Variants in POFUT3 observed in about 807,000 individuals in gnomAD.
POFUT3 encodes protein O-fucosyltransferase 3, also known as GDP-fucose protein O-fucosyltransferase 3.
the POFUT3 span, among the ~76,000 whole-genome samples, chr8:33,417,397 T>C: frequency 0.27 from 41,336 of 152,052 alleles, 5,964 homozygotes; most frequent in South Asian, 0.45. Flanking sequence ...CGAAACCATC[T>C]TCCCCTCCCC....
the POFUT3 span, among the ~76,000 whole-genome samples, chr8:33,328,397 AAAGC>A: frequency 6.6e-6 from 1 of 152,210 alleles, no homozygotes; most frequent in Non-Finnish European, 1.5e-5. Flanking sequence ...ACAAAAAAAA[AAAGC>A]AGCTCACTTT....
At chr8:33,353,722 T>G in the POFUT3 span, among the ~76,000 whole-genome samples, 2 of 152,128 alleles carry the variant, frequency 1.3e-5, no homozygotes, top group Non-Finnish European at 2.9e-5. Context: ...AGGGAGAAAG[T>G]GTGGCTTCAC....
chr8:33,333,507 T>A, the POFUT3 span, among the ~76,000 whole-genome samples: 1 of 152,112 alleles, frequency 6.6e-6, no homozygotes, highest in African/African-American at 2.4e-5. Context: ...AATCATATAA[T>A]GAAGGGGCTT....
the POFUT3 span, among the ~76,000 whole-genome samples, chr8:33,363,435 A>T: frequency 6.6e-6 from 1 of 152,114 alleles, no homozygotes; most frequent in Non-Finnish European, 1.5e-5. Context: ...AGAACTGAAG[A>T]AGATAGAGAC....
the POFUT3 span, among the ~76,000 whole-genome samples, chr8:33,332,336 CA>C: frequency 1.3e-5 from 2 of 151,372 alleles, no homozygotes; most frequent in African/African-American, 2.4e-5. Flanking sequence ...AAAGAAAATA[CA>C]AAAATTAGCC....
the POFUT3 span, among the ~76,000 whole-genome samples, chr8:33,315,072 G>A: frequency 6.6e-6 from 1 of 152,180 alleles, no homozygotes; most frequent in Non-Finnish European, 1.5e-5. Flanking sequence ...TTCAAAGCTA[G>A]CTAGGTGCCT....
the POFUT3 span, among the ~76,000 whole-genome samples, chr8:33,466,916 C>T: frequency 2.0e-5 from 3 of 152,086 alleles, no homozygotes; most frequent in Admixed American, 6.6e-5. Context: ...ACCAGCCCGA[C>T]CAATATGGTG....
chr8:33,404,972 A>G, the POFUT3 span, among the ~76,000 whole-genome samples: 1 of 152,144 alleles, frequency 6.6e-6, no homozygotes, highest in East Asian at 1.9e-4. Flanking sequence ...GCTACTGCCA[A>G]CAGGACTCTG....
At chr8:33,389,067 C>T in the POFUT3 span, 1 of 1,614,182 alleles carries the variant, frequency 6.2e-7, no homozygotes, top group Non-Finnish European at 8.5e-7. Flanking sequence ...CATTTCCGTT[C>T]CCTGAGAGCT....
the POFUT3 span, chr8:33,436,518 A>G: frequency 1.7e-6 from 2 of 1,173,628 alleles, no homozygotes. Flanking sequence ...TGTTTACCCC[A>G]TAAAGCTTGT....
At chr8:33,410,282 T>C in the POFUT3 span, among the ~76,000 whole-genome samples, 1 of 152,188 alleles carries the variant, frequency 6.6e-6, no homozygotes. Context: ...ATGCAGTCCT[T>C]GCATCTTTGA....
chr8:33,311,315 C>T, the POFUT3 span, among the ~76,000 whole-genome samples: 1 of 152,100 alleles, frequency 6.6e-6, no homozygotes, highest in Non-Finnish European at 1.5e-5. Context: ...ATCTTATGTA[C>T]AAGAAGTTTT....
At chr8:33,309,193 TATATATACAC>T in the POFUT3 span, among the ~76,000 whole-genome samples, 4,179 of 118,588 alleles carry the variant, frequency 0.035, 189 homozygotes, top group East Asian at 0.14. Flanking sequence ...TATATATATA[TATATATACAC>T]ACACATATTT....
the POFUT3 span, among the ~76,000 whole-genome samples, chr8:33,392,313 C>T: frequency 2.0e-5 from 3 of 152,180 alleles, no homozygotes; most frequent in Non-Finnish European, 4.4e-5. Flanking sequence ...CAATGGCTCA[C>T]ACCTATAATC....
At chr8:33,395,704 G>A in the POFUT3 span, among the ~76,000 whole-genome samples, 1 of 152,112 alleles carries the variant, frequency 6.6e-6, no homozygotes, top group Non-Finnish European at 1.5e-5. Context: ...CGGACGACAA[G>A]TGCTAAAAGA....
the POFUT3 span, among the ~76,000 whole-genome samples, chr8:33,352,593 G>A: frequency 1.6e-3 from 251 of 152,138 alleles, 4 homozygotes; most frequent in African/African-American, 5.9e-3. Flanking sequence ...GACTTCATCC[G>A]TGAATATCTA....
At chr8:33,346,883 C>A in the POFUT3 span, among the ~76,000 whole-genome samples, 49 of 152,090 alleles carry the variant, frequency 3.2e-4, no homozygotes, top group East Asian at 9.3e-3. Context: ...TTATTCAAAG[C>A]AAGCAAAGAA....
At chr8:33,382,681 A>G in the POFUT3 span, among the ~76,000 whole-genome samples, 7 of 152,324 alleles carry the variant, frequency 4.6e-5, no homozygotes, top group Non-Finnish European at 1.5e-5. Context: ...GACCCAAATC[A>G]TCACTGTGCA....
the POFUT3 span, among the ~76,000 whole-genome samples, chr8:33,386,045 C>T: frequency 6.6e-4 from 100 of 151,578 alleles, 2 homozygotes; most frequent in African/African-American, 2.3e-3. Context: ...AAAAATTAGC[C>T]GGGTGTGGTG....
Sources: allele counts gnomAD v4.1 joint callset (sites outside exome capture counted in the v4.1 genomes callset), GRCh38; gene constraint gnomAD v4.1.1; transcripts MANE v1.5; gene names NCBI Gene and HGNC (gene_info 2026-07-23, HGNC 2026-07-21).